The following BLTP2 variants were observed in gnomAD, a reference collection of about 807,000 sequenced individuals.
The protein encoded by BLTP2 is bridge-like lipid transfer protein family member 2, also known as U937-associated antigen.
At chr17:28,631,442 A>G in the BLTP2 span, 1 of 1,578,822 alleles carries the variant, frequency 6.3e-7, no homozygotes, top group East Asian at 2.2e-5. Flanking sequence ...ACCTACTAAT[A>G]TAAATAAGGT....
the BLTP2 span, chr17:28,642,353 T>A: frequency 6.2e-7 from 1 of 1,613,538 alleles, no homozygotes; most frequent in Non-Finnish European, 8.5e-7. Flanking sequence ...AGGAAAAAAA[T>A]TAAGAGCACT....
the BLTP2 span, chr17:28,640,426 A>T: frequency 5.4e-6 from 5 of 917,636 alleles, no homozygotes; most frequent in Non-Finnish European, 8.5e-6. Context: ...TTTTTCCCAC[A>T]CTACATGGAT....
chr17:28,643,999 A>T, the BLTP2 span: 1 of 1,546,808 alleles, frequency 6.5e-7, no homozygotes, highest in East Asian at 2.3e-5. Context: ...AAGGAAATTA[A>T]GAGTTTAAAT....
the BLTP2 span, among the ~76,000 whole-genome samples, chr17:28,621,658 C>T: frequency 6.6e-6 from 1 of 152,182 alleles, no homozygotes; most frequent in Non-Finnish European, 1.5e-5. Flanking sequence ...AGAGGACATA[C>T]TTGTCTCATT....
chr17:28,637,107 C>T, the BLTP2 span: 2 of 1,614,126 alleles, frequency 1.2e-6, no homozygotes, highest in South Asian at 1.1e-5. Context: ...TCCTTGAATC[C>T]CCACAGTGGA....
the BLTP2 span, chr17:28,642,002 G>T: frequency 6.2e-7 from 1 of 1,614,236 alleles, no homozygotes; most frequent in Non-Finnish European, 8.5e-7. Flanking sequence ...AGTGATAGCA[G>T]TGAGATGCCG....
the BLTP2 span, chr17:28,638,150 T>C: frequency 6.3e-7 from 1 of 1,599,230 alleles, no homozygotes; most frequent in East Asian, 2.2e-5. Context: ...AGTTTTATAA[T>C]GCCCTAATGC....
the BLTP2 span, among the ~76,000 whole-genome samples, chr17:28,627,853 G>C: frequency 6.6e-6 from 1 of 151,584 alleles, no homozygotes; most frequent in Non-Finnish European, 1.5e-5. Context: ...TAGAGATGGG[G>C]TTTTGCCATG....
chr17:28,616,542 A>G, the BLTP2 span: 1 of 1,614,014 alleles, frequency 6.2e-7, no homozygotes, highest in African/African-American at 1.3e-5. This position sits in a 1 kb window ranked among gnomAD's most constrained non-coding sequence, Gnocchi z 4.8. Flanking sequence ...GCTGTCATCC[A>G]TCCTCGTTCT....
At chr17:28,632,990 C>T in the BLTP2 span, 1 of 1,567,704 alleles carries the variant, frequency 6.4e-7, no homozygotes, top group South Asian at 1.2e-5. Flanking sequence ...TTGAGGTTCT[C>T]CGAGCGAAAG....
At chr17:28,634,638 A>C in the BLTP2 span, 1 of 1,614,190 alleles carries the variant, frequency 6.2e-7, no homozygotes, top group East Asian at 2.2e-5. Flanking sequence ...CATGCTCAGG[A>C]CCATGGAAGG....
chr17:28,623,943 T>G, the BLTP2 span: 1 of 1,613,884 alleles, frequency 6.2e-7, no homozygotes, highest in Non-Finnish European at 8.5e-7. Flanking sequence ...CACAGCCTTC[T>G]GTCTCTGCTC....
chr17:28,640,131 ACT>A, the BLTP2 span: 129 of 1,279,196 alleles, frequency 1.0e-4, no homozygotes, highest in Non-Finnish European at 1.3e-4. Flanking sequence ...GCAGTGGCTC[ACT>A]CTTGTAATCC....
chr17:28,642,462 T>C, the BLTP2 span: 1 of 750,054 alleles, frequency 1.3e-6, no homozygotes, highest in Non-Finnish European at 2.3e-6. Context: ...CCATCCTGAC[T>C]AACACGGTGA....
the BLTP2 span, chr17:28,616,385 C>A: frequency 6.8e-6 from 11 of 1,614,180 alleles, no homozygotes; most frequent in Non-Finnish European, 8.5e-6. The surrounding 1 kb of genome is among the most constrained non-coding windows in gnomAD (Gnocchi z 4.8). Context: ...GTACCTCTGG[C>A]GATTTGCGAA....
the BLTP2 span, chr17:28,616,166 T>G: frequency 1.2e-6 from 2 of 1,614,182 alleles, no homozygotes; most frequent in East Asian, 2.2e-5. This position sits in a 1 kb window ranked among gnomAD's most constrained non-coding sequence, Gnocchi z 4.8. Context: ...GGCAGCTCGC[T>G]CTTTCATCTT....
the BLTP2 span, chr17:28,633,763 G>T: frequency 6.2e-7 from 1 of 1,611,924 alleles, no homozygotes; most frequent in Non-Finnish European, 8.5e-7. Context: ...TGGGGTAGAG[G>T]AACAAAGGCT....
chr17:28,627,012 T>C, the BLTP2 span, among the ~76,000 whole-genome samples: 1 of 152,152 alleles, frequency 6.6e-6, no homozygotes, highest in Non-Finnish European at 1.5e-5. Flanking sequence ...CGTCAACCTT[T>C]GGAATCTGAT....
chr17:28,626,906 G>A, the BLTP2 span, among the ~76,000 whole-genome samples: 1 of 152,210 alleles, frequency 6.6e-6, no homozygotes, highest in African/African-American at 2.4e-5. Context: ...GGGGTTGTGG[G>A]AACCCGTTTA....
Sources: gnomAD v4.1 joint callset for allele counts (sites outside exome capture counted in the v4.1 genomes callset) on GRCh38, gnomAD v4.1.1 for gene constraint, Gnocchi (gnomAD v3.1) non-coding constraint, MANE v1.5 for transcripts, NCBI Gene and HGNC (gene_info 2026-07-23, HGNC 2026-07-21) for gene names.